KCTD16: variants seen among roughly 807,000 people sequenced by gnomAD.
KCTD16 encodes BTB/POZ domain-containing protein KCTD16.
A neutral mutation model predicts 33.2 loss-of-function variants in KCTD16; 13 were observed. That is an observed-to-expected ratio of 0.39 (90% CI 0.25 to 0.62). The LOEUF is 0.62. KCTD16 is among the 20% of genes least tolerant of loss of function. The probability of loss-of-function intolerance (pLI) is 0.50; values close to 1 mark genes in which losing one functional copy is unlikely to be tolerated. For missense variants in KCTD16, 441 were observed against 525.1 expected (o/e 0.84, Z 1.57); for synonymous variants, 197 against 195.3 (o/e 1.01, Z -0.07).
intron 3 of KCTD16, among the ~76,000 whole-genome samples, chr5:144,306,598 C>T (rs1221662247): frequency 2.0e-5 from 3 of 152,166 alleles, no homozygotes; most frequent in African/African-American, 7.2e-5. Context: ...CCTATAAGGA[C>T]TAAGTGACTT....
At chr5:144,251,693 G>A (rs778122628) in intron 3 of KCTD16, among the ~76,000 whole-genome samples, 2 of 152,076 alleles carry the variant, frequency 1.3e-5, no homozygotes, top group Admixed American at 6.5e-5. Flanking sequence ...GGAGGTAACC[G>A]TAAGAATTTC....
At chr5:144,316,004 T>TA (rs1222786116) in intron 3 of KCTD16, among the ~76,000 whole-genome samples, 1 of 151,550 alleles carries the variant, frequency 6.6e-6, no homozygotes, top group Non-Finnish European at 1.5e-5. Flanking sequence ...TTTTTTTTTT[T>TA]AAAAGGTCAG....
chr5:144,211,798 T>C (rs1753404067), intron 3 of KCTD16, among the ~76,000 whole-genome samples: 1 of 152,116 alleles, frequency 6.6e-6, no homozygotes, highest in African/African-American at 2.4e-5. Context: ...TCATAAGGTA[T>C]GTGATGTTTG....
chr5:144,413,385 T>C (rs1752976307), intron 3 of KCTD16, among the ~76,000 whole-genome samples: 1 of 152,248 alleles, frequency 6.6e-6, no homozygotes, highest in South Asian at 2.1e-4. Context: ...TATTGTGTGG[T>C]ATTTTTTATG....
At chr5:144,375,106 T>C (rs1299406405) in intron 3 of KCTD16, among the ~76,000 whole-genome samples, 1 of 152,196 alleles carries the variant, frequency 6.6e-6, no homozygotes, top group South Asian at 2.1e-4. Flanking sequence ...ATGGTCTGCA[T>C]AGGGAAGGCC....
intron 3 of KCTD16, among the ~76,000 whole-genome samples, chr5:144,294,343 G>C (rs1014499386): frequency 6.6e-6 from 1 of 152,132 alleles, no homozygotes; most frequent in African/African-American, 2.4e-5. Context: ...ACTAATCAAA[G>C]ATATGGTGGT....
chr5:144,437,575 G>T (rs1357642947), intron 3 of KCTD16, among the ~76,000 whole-genome samples: 1 of 152,024 alleles, frequency 6.6e-6, no homozygotes, highest in Non-Finnish European at 1.5e-5. Context: ...TAATATTATT[G>T]ATTTCCCCAG....
At chr5:144,295,665 A>C (rs1756015662) in intron 3 of KCTD16, among the ~76,000 whole-genome samples, 1 of 152,250 alleles carries the variant, frequency 6.6e-6, no homozygotes, top group African/African-American at 2.4e-5. Context: ...ATATTACCTT[A>C]CATGGCAAAG....
chr5:144,443,371 C>G (rs1039665505), intron 3 of KCTD16, among the ~76,000 whole-genome samples: 1 of 151,852 alleles, frequency 6.6e-6, no homozygotes, highest in Non-Finnish European at 1.5e-5. Flanking sequence ...TTCTAAATAC[C>G]TTAACAGTTG....
chr5:144,205,191 C>G (rs924110299), intron 2 of KCTD16: 1 of 221,848 alleles, frequency 4.5e-6, no homozygotes, highest in African/African-American at 2.3e-5. Flanking sequence ...CGCAGCACTG[C>G]GTCCCCGCCC....
intron 3 of KCTD16, among the ~76,000 whole-genome samples, chr5:144,424,836 A>C (rs987085342): frequency 6.6e-6 from 1 of 152,162 alleles, no homozygotes; most frequent in Admixed American, 6.6e-5. Context: ...CTCATTGCCT[A>C]TAGATCCCAC....
chr5:144,449,806 G>A (rs1356850409), intron 3 of KCTD16, among the ~76,000 whole-genome samples: 1 of 151,914 alleles, frequency 6.6e-6, no homozygotes, highest in Non-Finnish European at 1.5e-5. Flanking sequence ...TCAACTTAAA[G>A]TGGACTATAC....
chr5:144,407,729 G>A (rs1210783491), intron 3 of KCTD16, among the ~76,000 whole-genome samples: 1 of 152,032 alleles, frequency 6.6e-6, no homozygotes, highest in African/African-American at 2.4e-5. Context: ...GGTGTGTGTT[G>A]TTTCCCTCCC....
chr5:144,312,969 CT>C (rs1464140478), intron 3 of KCTD16, among the ~76,000 whole-genome samples: 2 of 152,128 alleles, frequency 1.3e-5, no homozygotes, highest in Non-Finnish European at 2.9e-5. Context: ...CGCTAATCGC[CT>C]TGAGTTGAAA....
intron 3 of KCTD16, among the ~76,000 whole-genome samples, chr5:144,232,382 T>C (rs1028272430): frequency 3.3e-5 from 5 of 152,230 alleles, no homozygotes; most frequent in African/African-American, 1.2e-4. Context: ...ACTTGCTAAG[T>C]ATATTAGACA....
intron 3 of KCTD16, among the ~76,000 whole-genome samples, chr5:144,218,838 A>G (rs1222696053): frequency 6.6e-6 from 1 of 152,248 alleles, no homozygotes; most frequent in African/African-American, 2.4e-5. Flanking sequence ...TGTGGAATGT[A>G]TGGATAAATT....
At chr5:144,186,851 G>A (rs543215488) in intron 2 of KCTD16, among the ~76,000 whole-genome samples, 1 of 152,198 alleles carries the variant, frequency 6.6e-6, no homozygotes, top group South Asian at 2.1e-4. Context: ...ACTGGAATAG[G>A]GATGTATTGA....
intron 3 of KCTD16, among the ~76,000 whole-genome samples, chr5:144,211,842 T>G (rs906110258): frequency 7.9e-5 from 12 of 152,118 alleles, no homozygotes; most frequent in African/African-American, 2.9e-4. Flanking sequence ...CTCTGTGACT[T>G]CCTTCTGTTG....
chr5:144,456,477 G>A (rs1027816546), intron 3 of KCTD16, among the ~76,000 whole-genome samples: 7 of 152,004 alleles, frequency 4.6e-5, no homozygotes, highest in South Asian at 2.1e-4. Flanking sequence ...ACACACAGAC[G>A]CACACAGGGG....
Sources: gnomAD v4.1 joint callset for allele counts (sites outside exome capture counted in the v4.1 genomes callset) on GRCh38, gnomAD v4.1.1 for gene constraint, MANE v1.5 for transcripts, NCBI Gene and HGNC (gene_info 2026-07-23, HGNC 2026-07-21) for gene names.